The following TBCA variants were observed in gnomAD, a reference collection of about 807,000 sequenced individuals.
The protein encoded by TBCA is tubulin folding cofactor A.
TBCA carries 6 observed loss-of-function variants against 15.8 expected under a neutral mutation model. That is an observed-to-expected ratio of 0.38 (90% CI 0.21 to 0.75). The LOEUF (loss-of-function observed/expected upper bound fraction) is 0.75, where lower values mean the gene tolerates loss of function less well. Ranked by LOEUF, TBCA falls within the 30% of genes least tolerant of loss-of-function variation. TBCA has a pLI of 0.46. For synonymous variants in TBCA, 32 were observed against 42.3 expected, an observed-to-expected ratio of 0.76 and a Z score of 0.94; for missense variants, 90 against 131.2, an observed-to-expected ratio of 0.69 and a Z score of 1.53.
intron 2 of TBCA, among the ~76,000 whole-genome samples, chr5:77,698,184 A>G (rs1022967593): frequency 2.0e-5 from 3 of 150,288 alleles, no homozygotes; most frequent in African/African-American, 7.3e-5. Flanking sequence ...AAAAAAAAAC[A>G]CACTGATAAA....
intron 1 of TBCA, among the ~76,000 whole-genome samples, chr5:77,710,725 T>C (rs548251200): frequency 6.6e-6 from 1 of 152,184 alleles, no homozygotes; most frequent in African/African-American, 2.4e-5. Flanking sequence ...TCAATTCACA[T>C]AACTCCCTGT....
chr5:77,752,946 G>C (rs529231421), intron 1 of TBCA, among the ~76,000 whole-genome samples: 2 of 152,128 alleles, frequency 1.3e-5, no homozygotes, highest in South Asian at 4.1e-4. Context: ...GTCCACCTCA[G>C]CCTCTCAAAG....
At chr5:77,748,598 G>T (rs1400528781) in intron 1 of TBCA, among the ~76,000 whole-genome samples, 1 of 151,666 alleles carries the variant, frequency 6.6e-6, no homozygotes, top group Non-Finnish European at 1.5e-5. Context: ...TTACAATGAT[G>T]TAGAAAGTAC....
At chr5:77,718,977 A>T (rs1247376838) in intron 1 of TBCA, among the ~76,000 whole-genome samples, 1 of 152,214 alleles carries the variant, frequency 6.6e-6, no homozygotes, top group Non-Finnish European at 1.5e-5. Flanking sequence ...TAGCATATTT[A>T]TCTGCATCAT....
intron 1 of TBCA, among the ~76,000 whole-genome samples, chr5:77,745,072 G>A (rs529490043): frequency 3.3e-5 from 5 of 152,232 alleles, no homozygotes; most frequent in South Asian, 2.1e-4. Flanking sequence ...CACATGAAGC[G>A]CTTAGCTAAT....
Position 77,739,021 on chromosome 5 carries a change from G to A in TBCA, c.54-30674C>T, listed in dbSNP as rs565107341. ...GGTTTAATGGAAGAGAATAGAAATC[G>A]AATTAGAAATATCACAGTGCATCAT... On this transcript the variant is annotated intron_variant, in intron 1 of 3. Coordinates refer to ENST00000380377, the MANE Select transcript of TBCA (RefSeq NM_004607.3). Among the ~76,000 whole-genome samples the A allele has an allele frequency of 3.3e-5, 5 of 152,246 alleles. No individual in the cohort carries two copies. The East Asian group carries it at 5.8e-4, about 18-fold the overall frequency.
chr5:77,738,808 C>T (rs1168438468), intron 1 of TBCA, among the ~76,000 whole-genome samples: 1 of 152,130 alleles, frequency 6.6e-6, no homozygotes, highest in African/African-American at 2.4e-5. Context: ...GTCTCAAACT[C>T]CTGACCTCAG....
At chr5:77,697,153 G>T (rs1342641344) in intron 2 of TBCA, among the ~76,000 whole-genome samples, 1 of 152,152 alleles carries the variant, frequency 6.6e-6, no homozygotes. Context: ...ATAAGCTGGG[G>T]ATTTCAATAC....
At chr5:77,706,884 A>G (rs1746163485) in intron 2 of TBCA, among the ~76,000 whole-genome samples, 1 of 151,882 alleles carries the variant, frequency 6.6e-6, no homozygotes, top group Non-Finnish European at 1.5e-5. Flanking sequence ...AGATGTGGTT[A>G]TGAGAAAGAG....
At chr5:77,721,564 G>C (rs1373854870) in intron 1 of TBCA, among the ~76,000 whole-genome samples, 1 of 151,940 alleles carries the variant, frequency 6.6e-6, no homozygotes, top group Non-Finnish European at 1.5e-5. Flanking sequence ...CACTGATTTG[G>C]TATATGTTAA....
At chr5:77,715,860 C>T (rs1400385590) in intron 1 of TBCA, among the ~76,000 whole-genome samples, 1 of 152,108 alleles carries the variant, frequency 6.6e-6, no homozygotes, top group Non-Finnish European at 1.5e-5. Context: ...TTAAATCCCC[C>T]TGTTTGGAGC....
chr5:77,707,992 T>C (rs1384615496), intron 2 of TBCA, among the ~76,000 whole-genome samples: 1 of 152,150 alleles, frequency 6.6e-6, no homozygotes, highest in African/African-American at 2.4e-5. Flanking sequence ...CACTCCAGCC[T>C]GGATGACAGA....
chr5:77,766,254 G>A (rs1747774843), intron 1 of TBCA, among the ~76,000 whole-genome samples: 1 of 151,976 alleles, frequency 6.6e-6, no homozygotes, highest in Non-Finnish European at 1.5e-5. Flanking sequence ...TTAATTCTAG[G>A]TAAACTACAA....
intron 1 of TBCA, among the ~76,000 whole-genome samples, chr5:77,712,717 T>A (rs1188804981): frequency 6.6e-6 from 1 of 152,180 alleles, no homozygotes; most frequent in Non-Finnish European, 1.5e-5. Context: ...TAACCTCAAA[T>A]GAGATAAAAT....
chr5:77,768,425 G>A (rs1369218074), intron 1 of TBCA, among the ~76,000 whole-genome samples: 2 of 152,166 alleles, frequency 1.3e-5, no homozygotes, highest in African/African-American at 4.8e-5. Context: ...TGTAGTAAGT[G>A]GAGCCTGGGA....
chr5:77,772,419 T>C (rs1226693786), intron 1 of TBCA, among the ~76,000 whole-genome samples: 1 of 152,048 alleles, frequency 6.6e-6, no homozygotes, highest in Non-Finnish European at 1.5e-5. Context: ...GGCACATGTG[T>C]ACCTATATAA....
At chr5:77,750,394 G>T (rs1747295552) in intron 1 of TBCA, among the ~76,000 whole-genome samples, 1 of 151,944 alleles carries the variant, frequency 6.6e-6, no homozygotes, top group Non-Finnish European at 1.5e-5. Context: ...TTTGTGCCAG[G>T]GCTCTGGGGA....
chr5:77,741,575 T>A lies in TBCA; in HGVS notation c.54-33228A>T, dbSNP rs148412422. Reference sequence around the variant, plus strand: ...GCAAAAGAAAAAAAATAGATTTTTTTAAAAAAGTAATGATTAAAAAGAGAC... The same window carrying A: ...GCAAAAGAAAAAAAATAGATTTTTTAAAAAAAGTAATGATTAAAAAGAGAC... On this transcript the variant is annotated intron_variant, in intron 1 of 3. Transcript: ENST00000380377. Among the ~76,000 whole-genome samples the A allele has an allele frequency of 7.0e-3, 1,070 of 152,244 alleles. 15 individuals carry two copies. Among genetic ancestry groups the A allele is most frequent in the African/African-American group, 0.024 (1,011 of 41,530 alleles).
chr5:77,773,650 T>C (rs1283754041), intron 1 of TBCA, among the ~76,000 whole-genome samples: 1 of 152,248 alleles, frequency 6.6e-6, no homozygotes, highest in Non-Finnish European at 1.5e-5. Context: ...GGTCTCCTTA[T>C]TGCCTTGGCA....
Sources: gnomAD v4.1 joint callset for allele counts (sites outside exome capture counted in the v4.1 genomes callset) on GRCh38, gnomAD v4.1.1 for gene constraint, MANE v1.5 for transcripts, NCBI Gene and HGNC (gene_info 2026-07-23, HGNC 2026-07-21) for gene names.